Variants in C9orf72 observed in about 807,000 individuals in gnomAD.
The protein encoded by C9orf72 is C9orf72-SMCR8 complex subunit.
Under a neutral mutation model 51.6 loss-of-function variants are expected in C9orf72, and 44 were observed. The ratio of observed to expected loss-of-function variants is 0.85; its 90% CI spans 0.67 to 1.10. C9orf72 has a LOEUF of 1.10. Among genes scored for constraint, C9orf72 ranks in the 50% least tolerant of loss-of-function variants. The pLI is 0.00. For synonymous variants in C9orf72, 213 were observed against 194.2 expected (o/e 1.10, Z -0.81); for missense variants, 607 against 570.6 (o/e 1.06, Z -0.65).
At chr9:27,564,697 T>C (rs529216335) in intron 3 of C9orf72, among the ~76,000 whole-genome samples, 2 of 152,284 alleles carry the variant, frequency 1.3e-5, no homozygotes, top group South Asian at 2.1e-4. Context: ...TTTTAATTAC[T>C]TTTTTAAAGT....
chr9:27,560,073 G>A (rs534747606), intron 6 of C9orf72, 154 bp downstream of exon 6: 61 of 418,376 alleles, frequency 1.5e-4, no homozygotes, highest in African/African-American at 1.2e-3. Context: ...CAAACTCACT[G>A]TTGCCACAAG....
Position 27,561,555 on chromosome 9 carries a change from T to C in C9orf72, c.665+30A>G, listed in dbSNP as rs772703414. On this transcript the variant is annotated intron_variant, in intron 5 of 10. Coordinates refer to ENST00000380003, the MANE Select transcript of C9orf72 (RefSeq NM_018325.5). ...TGAGCATAAGATGGTATCTGCTTCA[T>C]CCAGCTTTTATGAAAAGAAAAATTC... 3 of 1,609,530 alleles carry C rather than the reference T, an allele frequency of 1.9e-6. No homozygotes were observed. The South Asian group carries it at 3.3e-5, about 18-fold the overall frequency.
At chr9:27,562,995 C>T (rs756153346) in intron 3 of C9orf72, among the ~76,000 whole-genome samples, 1 of 151,854 alleles carries the variant, frequency 6.6e-6, no homozygotes, top group East Asian at 1.9e-4. Flanking sequence ...AGTCATCATG[C>T]CTCTTTTAGA....
Position 27,561,602 on chromosome 9 carries a change from A to C in C9orf72, c.648T>G (p.His216Gln). The C allele has an allele frequency of 6.2e-7, 1 of 1,612,486 alleles. No homozygotes were observed. The highest frequency in any genetic ancestry group is 8.5e-7 in the Non-Finnish European group (1 of 1,179,072). Reference sequence around the variant, plus strand: ...ATTCTTACTTGAGAAGAAAGCCTTCATGACAGCTGTCACCAATATCATCAT... The same window carrying C: ...ATTCTTACTTGAGAAGAAAGCCTTCCTGACAGCTGTCACCAATATCATCAT... The part of the protein sequence containing the change: ...LNDDDIGDSC[H>Q]EGFLLNAISS... Residue 216 changes from histidine (H) to glutamine (Q), a missense_variant, in exon 5 of 11, where the codon CAT (histidine) becomes CAG (glutamine). His to Gln is a conservative substitution (Grantham distance 24). Coordinates refer to ENST00000380003, the MANE Select transcript of C9orf72 (RefSeq NM_018325.5).
At chr9:27,559,647 G>C (rs1819293393) in intron 6 of C9orf72, 1 of 152,026 alleles carries the variant, frequency 6.6e-6, no homozygotes, top group Non-Finnish European at 1.5e-5. Flanking sequence ...TCTAACTAAT[G>C]GTCAGTGAAG....
intron 9 of C9orf72, 52 bp downstream of exon 9, chr9:27,550,598 A>T: frequency 8.6e-7 from 1 of 1,168,372 alleles, no homozygotes; most frequent in Non-Finnish European, 1.3e-6. Context: ...ATATATTAAA[A>T]AAGAAAACAT....
chr9:27,556,667 G>A lies in C9orf72; in HGVS notation c.985C>T (p.Arg329Cys), dbSNP rs773251849. 6 of 1,613,786 alleles carry A rather than the reference G, an allele frequency of 3.7e-6. No individual in the cohort carries two copies. Among genetic ancestry groups the A allele is most frequent in the South Asian group, 2.2e-5 (2 of 91,082 alleles). Residue 329 changes from arginine (R) to cysteine (C), a missense_variant, in exon 8 of 11, where the codon CGT becomes TGT. By Grantham distance (180) the Arg-to-Cys change is radical. Coordinates refer to ENST00000380003, the MANE Select transcript of C9orf72 (RefSeq NM_018325.5). The part of the protein sequence containing the change: ...PPCHEHIYNQ[R>C]RYMRSELTAF... ...GTCAGCTCGGATCTCATGTATCTAC[G>A]CTGATTATAAATATGTTCATGACAG...
intron 8 of C9orf72, among the ~76,000 whole-genome samples, chr9:27,553,520 G>A (rs1292255395): frequency 6.6e-6 from 1 of 152,196 alleles, no homozygotes; most frequent in African/African-American, 2.4e-5. Flanking sequence ...GAATTGGAGT[G>A]AAACTGGACC....
chr9:27,561,661 CA>C lies in C9orf72; in HGVS notation c.601-13del. 6.5e-7 allele frequency: 1 copy of C among 1,533,114 alleles called. No individual in the cohort carries two copies. The highest frequency in any genetic ancestry group is 8.9e-7 in the Non-Finnish European group (1 of 1,118,654). The allele number at this position is 1,533,114 out of a possible 1,614,324, so 95.0% of individuals were successfully genotyped here. ...ACTGTATCAGCTATCTAAAATGCATCAAAAAATAAAAAAATTAGTCTGGCTG... is the reference window on the plus strand; with the variant it reads ...ACTGTATCAGCTATCTAAAATGCATCAAAAATAAAAAAATTAGTCTGGCTG... On this transcript the variant is annotated splice_polypyrimidine_tract_variant and intron_variant, in intron 4 of 10. Transcript: ENST00000380003.
At chr9:27,551,176 G>A (rs545518579) in intron 8 of C9orf72, among the ~76,000 whole-genome samples, 1 of 152,204 alleles carries the variant, frequency 6.6e-6, no homozygotes, top group Admixed American at 6.5e-5. Context: ...ATTTGAGTGA[G>A]ATTAGAGAAC....
Position 27,548,195 on chromosome 9 carries a change from C to A in C9orf72, c.*41G>T, listed in dbSNP as rs377706283. 4.0e-6 allele frequency: 6 copies of A among 1,486,716 alleles called. No individual in the cohort carries two copies. The highest frequency in any genetic ancestry group is 1.8e-6 in the Non-Finnish European group (2 of 1,085,776). The allele number at this position is 1,486,716 out of a possible 1,614,324, so 92.1% of individuals were successfully genotyped here. ...CCACACCACTGAGCTACTTTACCAG[C>A]GATCATGATTGTGATGGAATAGGCT... On this transcript the variant is annotated 3_prime_UTR_variant, in exon 11 of 11. Transcript: ENST00000380003.
chr9:27,548,110 C>G lies in C9orf72; in HGVS notation c.*126G>C, dbSNP rs1253145667. On this transcript the variant is annotated 3_prime_UTR_variant, in exon 11 of 11. Coordinates refer to ENST00000380003, the MANE Select transcript of C9orf72 (RefSeq NM_018325.5). Reference sequence around the variant, plus strand: ...GGCTCTTGTGAGAACTGTAGTGTAACTTACTTAACTGCAATTGCTGAGAGC... The same window carrying G: ...GGCTCTTGTGAGAACTGTAGTGTAAGTTACTTAACTGCAATTGCTGAGAGC... 1.6e-6 allele frequency: 1 copy of G among 620,934 alleles called. No homozygotes were observed. Among genetic ancestry groups the G allele is most frequent in the Admixed American group, 3.4e-5 (1 of 29,440 alleles). 38.5% of individuals were successfully genotyped at this position (620,934 alleles called of 1,614,324 possible).
chr9:27,561,334 A>T, intron 5 of C9orf72: 1 of 1,250,090 alleles, frequency 8.0e-7, no homozygotes, highest in Non-Finnish European at 1.0e-6. Flanking sequence ...ACCAGAATCA[A>T]GCAAGGGGCC....
chr9:27,567,228 C>G, intron 1 of C9orf72, 64 bp from the exon 2 acceptor site: 1 of 944,242 alleles, frequency 1.1e-6, no homozygotes, highest in Non-Finnish European at 1.6e-6. Context: ...ATCAAAACCC[C>G]AAATGATTTA....
chr9:27,561,420 T>C (rs935540821), intron 5 of C9orf72, 165 bp downstream of exon 5: 38 of 1,402,876 alleles, frequency 2.7e-5, no homozygotes, highest in Non-Finnish European at 3.0e-5. Flanking sequence ...TATAGAAATA[T>C]AATGAGTGAA....
chr9:27,552,938 TTG>T (rs1820938304), intron 8 of C9orf72, among the ~76,000 whole-genome samples: 1 of 152,172 alleles, frequency 6.6e-6, no homozygotes, highest in Admixed American at 6.6e-5. Flanking sequence ...CTTTTTTCTG[TTG>T]TGTCTCTGCC....
At chr9:27,550,986 T>C (rs1820894135) in intron 8 of C9orf72, among the ~76,000 whole-genome samples, 1 of 152,168 alleles carries the variant, frequency 6.6e-6, no homozygotes, top group East Asian at 1.9e-4. Flanking sequence ...AGTAAGGGTA[T>C]GTATGTATCT....
intron 5 of C9orf72, chr9:27,560,546 G>GTATT (rs1267077061): frequency 1.5e-6 from 1 of 678,194 alleles, no homozygotes; most frequent in Non-Finnish European, 1.9e-6. Flanking sequence ...TTTAATTAAT[G>GTATT]TATTTATTTA....
At chr9:27,563,587 A>G (rs1819400197) in intron 3 of C9orf72, among the ~76,000 whole-genome samples, 2 of 152,136 alleles carry the variant, frequency 1.3e-5, no homozygotes, top group African/African-American at 4.8e-5. Flanking sequence ...AGCATCTTTA[A>G]GTTAGAATCT....
Sources: allele counts gnomAD v4.1 joint callset (sites outside exome capture counted in the v4.1 genomes callset), GRCh38; gene constraint gnomAD v4.1.1; transcripts MANE v1.5; gene names NCBI Gene and HGNC (gene_info 2026-07-23, HGNC 2026-07-21).